SLC24A2: variants seen among roughly 807,000 people sequenced by gnomAD.
SLC24A2 encodes solute carrier family 24 member 2.
A neutral mutation model predicts 62.0 loss-of-function variants in SLC24A2; 36 were observed. The ratio of observed to expected loss-of-function variants is 0.58; its 90% CI spans 0.44 to 0.77. SLC24A2 has a LOEUF of 0.77. Among genes scored for constraint, SLC24A2 ranks in the 30% least tolerant of loss-of-function variants. SLC24A2 has a pLI of 0.00. For synonymous variants in SLC24A2, 358 were observed against 294.0 expected (o/e 1.22, Z -2.23); for missense variants, 846 against 817.9 (o/e 1.03, Z -0.42).
At chr9:19,529,703 G>A (rs1833606661) in intron 8 of SLC24A2, among the ~76,000 whole-genome samples, 2 of 150,414 alleles carry the variant, frequency 1.3e-5, no homozygotes, top group Admixed American at 6.6e-5. Context: ...TGGGTAATGG[G>A]GGAAATAAAA....
intron 2 of SLC24A2, among the ~76,000 whole-genome samples, chr9:19,784,858 A>G (rs1469264394): frequency 2.0e-5 from 3 of 152,222 alleles, no homozygotes; most frequent in African/African-American, 7.2e-5. Flanking sequence ...CATGGCTGCA[A>G]TGAAAAGGAC....
the SLC24A2 span, among the ~76,000 whole-genome samples, chr9:19,821,196 A>G: frequency 6.6e-6 from 1 of 152,064 alleles, no homozygotes; most frequent in African/African-American, 2.4e-5. Flanking sequence ...AGGATTCAGA[A>G]ACAGAGAGAA....
chr9:20,209,553 T>A, the SLC24A2 span, among the ~76,000 whole-genome samples: 26 of 152,172 alleles, frequency 1.7e-4, no homozygotes, highest in Admixed American at 6.5e-5. Flanking sequence ...AGTTCTCTCA[T>A]CCTGTCACTC....
intron 2 of SLC24A2, among the ~76,000 whole-genome samples, chr9:19,666,245 A>G (rs1819249463): frequency 6.6e-6 from 1 of 152,038 alleles, no homozygotes; most frequent in African/African-American, 2.4e-5. Flanking sequence ...TCTCCACAAA[A>G]AAATACAAAA....
rs964803993 is a variant in SLC24A2 at position 19,549,769 on chromosome 9, C to T, written c.1479+368G>A. ...GGCCACAGACATAATGGAGCAGAGA[C>T]AAGCCATCCACAATGTGCCCTATTC... On this transcript the variant is annotated intron_variant, in intron 8 of 10. Coordinates refer to ENST00000341998, the MANE Select transcript of SLC24A2 (RefSeq NM_020344.4). Among the ~76,000 whole-genome samples the T allele has an allele frequency of 1.3e-4, 20 of 152,202 alleles. 1 individual carries two copies. The highest frequency in any genetic ancestry group is 1.3e-3 in the Admixed American group (20 of 15,276).
chr9:20,196,024 A>G, the SLC24A2 span, among the ~76,000 whole-genome samples: 1 of 152,190 alleles, frequency 6.6e-6, no homozygotes, highest in Admixed American at 6.5e-5. Flanking sequence ...GTTTAATAGC[A>G]TTAAGCGAAT....
the SLC24A2 span, among the ~76,000 whole-genome samples, chr9:20,128,869 G>A: frequency 2.0e-5 from 3 of 151,990 alleles, no homozygotes; most frequent in African/African-American, 7.2e-5. Flanking sequence ...ATATCTTCAC[G>A]ACTTTGGATT....
chr9:19,534,885 T>C (rs544598323), intron 8 of SLC24A2, among the ~76,000 whole-genome samples: 2 of 152,164 alleles, frequency 1.3e-5, no homozygotes, highest in African/African-American at 4.8e-5. Context: ...GTAATGAGAT[T>C]GCTGGGTCAA....
Position 19,516,152 on chromosome 9 carries a change from G to C in SLC24A2, c.*1C>G, listed in dbSNP as rs533882278. 4 of 1,614,118 alleles carry C rather than the reference G, an allele frequency of 2.5e-6. No individual in the cohort carries two copies. In the African/African-American group the frequency reaches 5.3e-5, roughly 22 times the overall value. Reference sequence around the variant, plus strand: ...GCTGGTGCAAGATATGGCTTTTCCTGCTAGATGGAGACGGGGCATGTAAGA... The same window carrying C: ...GCTGGTGCAAGATATGGCTTTTCCTCCTAGATGGAGACGGGGCATGTAAGA... On this transcript the variant is annotated 3_prime_UTR_variant, in exon 11 of 11. Coordinates refer to ENST00000341998, the MANE Select transcript of SLC24A2 (RefSeq NM_020344.4).
the SLC24A2 span, among the ~76,000 whole-genome samples, chr9:19,913,755 G>C: frequency 6.6e-6 from 1 of 152,074 alleles, no homozygotes; most frequent in African/African-American, 2.4e-5. Context: ...GTTGAATAAG[G>C]AAACCATGGT....
chr9:19,708,191 C>T (rs1587192254), intron 2 of SLC24A2, among the ~76,000 whole-genome samples: 1 of 152,264 alleles, frequency 6.6e-6, no homozygotes, highest in South Asian at 2.1e-4. Context: ...AGGAATCCAA[C>T]TTACAGGGGA....
chr9:19,867,365 A>G, the SLC24A2 span, among the ~76,000 whole-genome samples: 32 of 152,344 alleles, frequency 2.1e-4, no homozygotes, highest in Non-Finnish European at 4.0e-4. Flanking sequence ...CTTAGTTGTT[A>G]GAGGATTATT....
the SLC24A2 span, among the ~76,000 whole-genome samples, chr9:20,250,150 C>T: frequency 1.3e-5 from 2 of 152,164 alleles, no homozygotes; most frequent in Non-Finnish European, 2.9e-5. Context: ...CCCATAGCAG[C>T]TCTGTAATGT....
chr9:19,645,938 T>C (rs375754148), intron 2 of SLC24A2, among the ~76,000 whole-genome samples: 9 of 152,356 alleles, frequency 5.9e-5, no homozygotes, highest in African/African-American at 2.2e-4. Flanking sequence ...AATCAGTGTC[T>C]TGTTTCTGCG....
rs752472622 is a variant in SLC24A2 at position 19,786,179 on chromosome 9, T to C, written c.688A>G (p.Ile230Val). The change falls in exon 2 of 11, where the codon ATC becomes GTC. Residue 230 changes from isoleucine (I) to valine (V), a missense_variant. Transcript: ENST00000341998. The surrounding 1 kb of genome is among the most constrained non-coding windows in gnomAD (Gnocchi z 5.0). ...IGMCALFSRE[I>V]LNLTWWPLFR... is the part of the protein sequence containing the mutation. The stretch of plus-strand genomic sequence containing the variant: ...AGCGGCCACCATGTCAGGTTTAAGA[T>C]TTCTCTAGAAAACAGAGCACACATG... 6.2e-7 allele frequency: 1 copy of C among 1,614,148 alleles called. No homozygotes were observed. Among genetic ancestry groups the C allele is most frequent in the Non-Finnish European group, 8.5e-7 (1 of 1,180,034 alleles).
chr9:19,910,537 T>A, the SLC24A2 span, among the ~76,000 whole-genome samples: 2 of 152,154 alleles, frequency 1.3e-5, no homozygotes, highest in Admixed American at 6.6e-5. Context: ...TGGGGCCTCA[T>A]ATTTTTGTCA....
chr9:19,852,618 T>C, the SLC24A2 span, among the ~76,000 whole-genome samples: 1 of 152,232 alleles, frequency 6.6e-6, no homozygotes, highest in South Asian at 2.1e-4. Context: ...TTGTTGAATA[T>C]CAGATGATTG....
the SLC24A2 span, among the ~76,000 whole-genome samples, chr9:20,198,453 G>A: frequency 1.4e-4 from 21 of 151,976 alleles, no homozygotes; most frequent in African/African-American, 3.4e-4. Context: ...GACTGTATTC[G>A]CCCTTTAATC....
rs1188054966 is a variant in SLC24A2, at chr9:19,515,247, A to C, written c.*906T>G. ...TTGCATGCTGGGACAATATAAGAAC[A>C]AAACAAAACAACCCAACCCTGGTTA... On this transcript the variant is annotated 3_prime_UTR_variant, in exon 11 of 11. Coordinates refer to ENST00000341998, the MANE Select transcript of SLC24A2 (RefSeq NM_020344.4). 2 of 152,200 alleles carry C rather than the reference A, an allele frequency of 1.3e-5. No homozygotes were observed. The highest frequency in any genetic ancestry group is 4.8e-5 in the African/African-American group (2 of 41,436). The allele number at this position is 152,200 out of a possible 1,614,324, so 9.4% of individuals were successfully genotyped here.
Sources: gnomAD v4.1 joint callset for allele counts (sites outside exome capture counted in the v4.1 genomes callset) on GRCh38, gnomAD v4.1.1 for gene constraint, Gnocchi (gnomAD v3.1) non-coding constraint, MANE v1.5 for transcripts, NCBI Gene and HGNC (gene_info 2026-07-23, HGNC 2026-07-21) for gene names.